EMC1: variants seen among roughly 807,000 people sequenced by gnomAD.
The protein encoded by EMC1 is KIAA0090.
A neutral mutation model predicts 128.8 loss-of-function variants in EMC1; 103 were observed. The observed-to-expected ratio is 0.80, with a 90% CI of 0.68 to 0.94. The LOEUF (loss-of-function observed/expected upper bound fraction) is 0.94. Ranked by LOEUF, EMC1 falls within the 40% of genes least tolerant of loss-of-function variation. The probability of loss-of-function intolerance (pLI) is 0.00; values close to 1 mark genes in which losing one functional copy is unlikely to be tolerated. For missense variants in EMC1, 1,083 were observed against 1,250.6 expected, an observed-to-expected ratio of 0.87 and a Z score of 2.02; for synonymous variants, 442 against 490.4, an observed-to-expected ratio of 0.90 and a Z score of 1.30.
chr1:19,232,697 AAGG>A lies in EMC1; in HGVS notation c.1706_1708del (p.Ser569del), dbSNP rs1372501893. On this transcript the variant is annotated inframe_deletion, in exon 15 of 23. Coordinates refer to ENST00000477853, the MANE Select transcript of EMC1 (RefSeq NM_015047.3). ...AGTAGTTCTCTGGACCATCAGTTTA[AAGG>A]AGGAGTCTGGCTTGACATTGGGTAG... 5 of 1,614,196 alleles carry A rather than the reference AAGG, an allele frequency of 3.1e-6. No individual in the cohort carries two copies. The East Asian group carries it at 1.1e-4, about 36-fold the overall frequency.
rs2093406301 is a variant in EMC1, at chr1:19,218,114, A to ACCT, written c.*1188_*1189insAGG. The ACCT allele has an allele frequency of 6.6e-6, 1 of 152,380 alleles. No individual in the cohort carries two copies. Among genetic ancestry groups the ACCT allele is most frequent in the South Asian group, 2.1e-4 (1 of 4,830 alleles). 9.4% of individuals were successfully genotyped at this position (152,380 alleles called of 1,614,324 possible). ...GTCATTTGTCACTTGCTTTATGCAA[A>ACCT]CATTCGAGTGTACCTCTTTCACCAC... On this transcript the variant is annotated 3_prime_UTR_variant, in exon 23 of 23. Transcript: ENST00000477853.
chr1:19,240,363 C>G lies in EMC1; in HGVS notation c.720G>C (p.Pro240=). 6.2e-7 allele frequency: 1 copy of G among 1,614,186 alleles called. No individual in the cohort carries two copies. The highest frequency in any genetic ancestry group is 8.5e-7 in the Non-Finnish European group (1 of 1,180,032). The change falls in exon 7 of 23, where the codon CCG becomes CCC. Residue 240 remains proline, a synonymous_variant. Transcript: ENST00000477853. ...CCAAAGTTTGGAGGGAACGTGAGCT[C>G]GGGTCAGGACACACCAGGACAGCCT... is the stretch of plus-strand genomic sequence containing the variant. ...VDEAVLVCPD[P]SSRSLQTLAL...
At position 19,220,326 on chromosome 1, in the gene EMC1, A is replaced by G. The variant is rs1244050830; in HGVS notation, c.2672+438T>C. The G allele has an allele frequency of 2.5e-5, 4 of 159,140 alleles. No homozygotes were observed. In the East Asian group the frequency reaches 5.6e-4, roughly 22 times the overall value. 9.9% of individuals were successfully genotyped at this position (159,140 alleles called of 1,614,324 possible). A position where few individuals can be genotyped will look rare whatever the true frequency, so the allele number is the denominator to read the frequency against. On this transcript the variant is annotated intron_variant, in intron 21 of 22. Transcript: ENST00000477853. ...GTTGCCCTCCGCAAACTCACCAGACATGATCTCAGGGGATTTGCATTGCCT... is the reference window on the plus strand; with the variant it reads ...GTTGCCCTCCGCAAACTCACCAGACGTGATCTCAGGGGATTTGCATTGCCT...
At chr1:19,251,354 T>C in intron 1 of EMC1, 61 bp downstream of exon 1, 2 of 1,437,234 alleles carry the variant, frequency 1.4e-6, no homozygotes, top group Non-Finnish European at 2.0e-6. Flanking sequence ...CTTTAGCAGG[T>C]AGGAGACAGG....
Position 19,244,110 on chromosome 1 carries a change from G to A in EMC1, c.221-95C>T, listed in dbSNP as rs537858630. On this transcript the variant is annotated intron_variant, in intron 2 of 22. Coordinates refer to ENST00000477853, the MANE Select transcript of EMC1 (RefSeq NM_015047.3). ...AAGAGCTCTTCATTTGCACAGCAATGTCCAATTTTATCTCGAGGGAGTGAA... is the reference window on the plus strand; with the variant it reads ...AAGAGCTCTTCATTTGCACAGCAATATCCAATTTTATCTCGAGGGAGTGAA... 48 of 1,224,984 alleles carry A rather than the reference G, an allele frequency of 3.9e-5. 1 individual carries two copies. In the South Asian group the frequency reaches 5.4e-4, roughly 14 times the overall value. 75.9% of individuals were successfully genotyped at this position (1,224,984 alleles called of 1,614,324 possible).
At chr1:19,237,365 A>G in intron 11 of EMC1, 127 bp from the exon 12 acceptor site, 1 of 729,244 alleles carries the variant, frequency 1.4e-6, no homozygotes, top group South Asian at 1.5e-5. Flanking sequence ...ATGTCTAAAC[A>G]ATGTAGCTAT....
chr1:19,233,829 CT>C (rs2093542564), intron 13 of EMC1, among the ~76,000 whole-genome samples: 1 of 152,222 alleles, frequency 6.6e-6, no homozygotes, highest in Non-Finnish European at 1.5e-5. Context: ...GAGAAATGTA[CT>C]TCACCTTTTT....
intron 6 of EMC1, 23 bp downstream of exon 6, chr1:19,240,993 A>G (rs771820109): frequency 9.4e-5 from 151 of 1,611,878 alleles, no homozygotes; most frequent in Non-Finnish European, 1.3e-4. Flanking sequence ...CCTTATTCAC[A>G]GGCTCCTGTC....
chr1:19,236,191 A>T (rs1463023341), intron 12 of EMC1, among the ~76,000 whole-genome samples: 2 of 150,984 alleles, frequency 1.3e-5, no homozygotes, highest in Non-Finnish European at 1.5e-5. Flanking sequence ...GCCTGGGCCA[A>T]CATGGTGAAA....
At chr1:19,242,509 T>G (rs1474982060) in intron 4 of EMC1, 36 bp from the exon 5 acceptor site, 4 of 1,612,874 alleles carry the variant, frequency 2.5e-6, no homozygotes, top group Non-Finnish European at 3.4e-6. Context: ...AGCCCACACC[T>G]GCAGAGCCTC....
intron 5 of EMC1, among the ~76,000 whole-genome samples, chr1:19,241,683 T>C (rs1001895625): frequency 2.0e-5 from 3 of 152,048 alleles, no homozygotes; most frequent in Non-Finnish European, 4.4e-5. Context: ...GCCTGGCTAA[T>C]TTTTTGTACT....
rs10218816 is a variant in EMC1, at chr1:19,218,783, C to T, written c.*520G>A. 2 of 156,066 alleles carry T rather than the reference C, an allele frequency of 1.3e-5. No homozygotes were observed. Among genetic ancestry groups the T allele is most frequent in the African/African-American group, 2.4e-5 (1 of 41,446 alleles). 9.7% of individuals were successfully genotyped at this position (156,066 alleles called of 1,614,324 possible). ...TGAGAGGCTGGATCAGTCCTCAAGC[C>T]TCAGCTAAGGATGGATCCTATTTCT... On this transcript the variant is annotated 3_prime_UTR_variant, in exon 23 of 23. Coordinates refer to ENST00000477853, the MANE Select transcript of EMC1 (RefSeq NM_015047.3).
intron 20 of EMC1, 84 bp from the exon 21 acceptor site, chr1:19,220,932 A>G: frequency 4.9e-6 from 5 of 1,010,592 alleles, no homozygotes; most frequent in Non-Finnish European, 7.4e-6. Context: ...CAGACATTTA[A>G]ATAAGAATTT....
chr1:19,231,902 C>T (rs903417002), intron 15 of EMC1, among the ~76,000 whole-genome samples: 5 of 152,044 alleles, frequency 3.3e-5, no homozygotes, highest in African/African-American at 7.2e-5. Flanking sequence ...AGATTATAAG[C>T]GTGAGCCACC....
chr1:19,222,776 T>A lies in EMC1; in HGVS notation c.2435A>T (p.Glu812Val). Residue 812 changes from glutamate (E) to valine (V), a missense_variant, in exon 20 of 23, where the codon GAG becomes GTG. Glu to Val is a moderately radical substitution (Grantham distance 121). Around this residue, in one of 3 missense-constraint regions of EMC1, gnomAD observed 527 missense variants for 644.1 expected, o/e 0.82. Transcript: ENST00000477853. Reference protein sequence around the residue: ...RNEFTVLELYEGTEQYNATAF... With the variant: ...RNEFTVLELYVGTEQYNATAF... ...GGTGGCGTTGTATTGCTCAGTGCCC[T>A]CATAGAGCTCCAGTACGGTAAACTC... 1 of 1,614,096 alleles carries A rather than the reference T, an allele frequency of 6.2e-7. No homozygotes were observed. The highest frequency in any genetic ancestry group is 8.5e-7 in the Non-Finnish European group (1 of 1,179,990).
rs556693672 is a variant in EMC1, at chr1:19,231,191, G to A, written c.1944+70C>T. 8.0e-4 allele frequency: 1,188 copies of A among 1,493,482 alleles called. 24 individuals carry two copies. The South Asian group carries it at 0.014, about 18-fold the overall frequency. The allele number at this position is 1,493,482 out of a possible 1,614,324, so 92.5% of individuals were successfully genotyped here. On this transcript the variant is annotated intron_variant, in intron 16 of 22. Coordinates refer to ENST00000477853, the MANE Select transcript of EMC1 (RefSeq NM_015047.3). ...GCAGAGAGCACTCCATCTCCGGGCC[G>A]CTGTGTTTGACCACCTGGCCCCAAA...
chr1:19,242,952 T>C (rs2093614828), intron 4 of EMC1, among the ~76,000 whole-genome samples: 1 of 152,210 alleles, frequency 6.6e-6, no homozygotes. Flanking sequence ...TGAACAACTT[T>C]AGGGGCCAGG....
chr1:19,235,029 C>T (rs1267910472), intron 13 of EMC1, 101 bp downstream of exon 13: 2 of 1,424,166 alleles, frequency 1.4e-6, no homozygotes, highest in Non-Finnish European at 1.9e-6. Flanking sequence ...AGCAATCTGC[C>T]CAGCCTAGGA....
intron 1 of EMC1, among the ~76,000 whole-genome samples, chr1:19,248,495 C>A (rs61764881): frequency 0.12 from 17,995 of 152,256 alleles, 1,162 homozygotes; most frequent in African/African-American, 0.16. Flanking sequence ...TCTCAACTCA[C>A]TGCAACCTCC....
Sources: allele counts gnomAD v4.1 joint callset (sites outside exome capture counted in the v4.1 genomes callset), GRCh38; gene constraint gnomAD v4.1.1; regional missense constraint gnomAD v4.1.1; transcripts MANE v1.5; gene names NCBI Gene and HGNC (gene_info 2026-07-23, HGNC 2026-07-21).